Variants in ZNF280C observed in about 807,000 individuals in gnomAD.
ZNF280C encodes suppressor of hairy wing homolog 3.
A neutral mutation model predicts 53.6 loss-of-function variants in ZNF280C; 14 were observed. That is an observed-to-expected ratio of 0.26 (90% CI 0.17 to 0.41). The LOEUF (loss-of-function observed/expected upper bound fraction) is 0.41, where lower values mean the gene tolerates loss of function less well. Ranked by LOEUF, ZNF280C falls within the 10% of genes least tolerant of loss-of-function variation. The pLI, the probability that ZNF280C is intolerant of heterozygous loss-of-function variation, is 1.00. For missense variants in ZNF280C, 416 were observed against 547.1 expected (o/e 0.76, Z 2.39); for synonymous variants, 203 against 181.1 (o/e 1.12, Z -0.97).
At chrX:130,219,745 GTC>G (rs1339732172) in intron 13 of ZNF280C, among the ~76,000 whole-genome samples, 2 of 109,655 alleles carry the variant, frequency 1.8e-5, no homozygotes, top group African/African-American at 6.6e-5. Flanking sequence ...ATATCTTATA[GTC>G]TAGCAACTGA....
chrX:130,257,518 TTGA>T (rs1569440804), intron 2 of ZNF280C, among the ~76,000 whole-genome samples: 3 of 111,341 alleles, frequency 2.7e-5, no homozygotes, highest in African/African-American at 9.8e-5. Context: ...ATGGCAAAAC[TTGA>T]TGATTCAAGA....
At chrX:130,267,857 G>A (rs185939919) in intron 1 of ZNF280C, among the ~76,000 whole-genome samples, 1 of 111,750 alleles carries the variant, frequency 8.9e-6, no homozygotes, top group African/African-American at 3.3e-5. Context: ...GAAAACAATA[G>A]TAAAAAAAAT....
chrX:130,229,812 T>C (rs1755680943), intron 9 of ZNF280C, among the ~76,000 whole-genome samples: 1 of 112,391 alleles, frequency 8.9e-6, no homozygotes, highest in African/African-American at 3.2e-5. Context: ...GGAACTATGA[T>C]GTTCAATGGC....
intron 13 of ZNF280C, among the ~76,000 whole-genome samples, chrX:130,216,424 G>A (rs1219038625): frequency 5.4e-5 from 6 of 111,830 alleles, no homozygotes. Context: ...GTTAGGCAAC[G>A]GTTTCTTATA....
At chrX:130,253,584 T>C (rs181955110) in intron 2 of ZNF280C, among the ~76,000 whole-genome samples, 2 of 111,352 alleles carry the variant, frequency 1.8e-5, no homozygotes, top group Non-Finnish European at 3.8e-5. Flanking sequence ...TGGAACAGAA[T>C]AGAGAGCCCA....
chrX:130,267,953 T>A (rs1005066426), intron 1 of ZNF280C, among the ~76,000 whole-genome samples: 1 of 112,075 alleles, frequency 8.9e-6, no homozygotes, highest in African/African-American at 3.2e-5. Flanking sequence ...CTCCCGTGCT[T>A]GCAGAAGCTG....
intron 2 of ZNF280C, among the ~76,000 whole-genome samples, chrX:130,259,947 G>A (rs1009934135): frequency 2.7e-5 from 3 of 109,857 alleles, no homozygotes; most frequent in African/African-American, 6.6e-5. Context: ...CCGAGATCAC[G>A]CCACTGCACT....
rs758301527 is a variant in ZNF280C at position 130,215,253 on chromosome X, T to G, written c.1919A>C (p.His640Pro). 1 of 1,203,201 alleles carries G rather than the reference T, an allele frequency of 8.3e-7. No individual in the cohort carries two copies. The highest frequency in any genetic ancestry group is 2.2e-5 in the Admixed American group (1 of 45,000). The change falls in exon 15 of 19, where the codon CAC becomes CCC. Residue 640 changes from histidine to proline, a missense_variant. His to Pro is a moderately conservative substitution (Grantham distance 77). Transcript: ENST00000370978. ...AGTATTGTACTTGCAAAAACTGCAG[T>G]GGATGTATATAGAAAAGTGGCTTGC... ...DFASHFSIYI[H>P]CSFCKYNTNC...
At chrX:130,250,156 TAA>T (rs930509848) in intron 2 of ZNF280C, among the ~76,000 whole-genome samples, 4 of 111,696 alleles carry the variant, frequency 3.6e-5, no homozygotes, top group African/African-American at 9.7e-5. Flanking sequence ...TGGGATTATG[TAA>T]AGAGACCACT....
intron 12 of ZNF280C, among the ~76,000 whole-genome samples, chrX:130,222,070 C>T (rs1272665642): frequency 9.0e-6 from 1 of 110,898 alleles, no homozygotes; most frequent in Non-Finnish European, 1.9e-5. Context: ...TCACTGCCTA[C>T]CTATTGTTCC....
intron 12 of ZNF280C, 134 bp downstream of exon 12, chrX:130,226,625 T>C: frequency 1.1e-5 from 6 of 566,305 alleles, no homozygotes; most frequent in Non-Finnish European, 1.5e-5. Context: ...AGAACAACTT[T>C]GCTTTCTGTC....
At chrX:130,249,479 G>A (rs750544234) in intron 2 of ZNF280C, among the ~76,000 whole-genome samples, 1 of 111,941 alleles carries the variant, frequency 8.9e-6, no homozygotes, top group Admixed American at 9.5e-5. Context: ...TCCTAACCTT[G>A]AGAAGCCAGA....
intron 5 of ZNF280C, among the ~76,000 whole-genome samples, chrX:130,243,329 G>A (rs1379812565): frequency 9.0e-6 from 1 of 111,160 alleles, no homozygotes; most frequent in African/African-American, 3.3e-5. Context: ...ACTACAGGTG[G>A]TGCACCACTA....
At chrX:130,255,083 AAC>A (rs1491435897) in intron 2 of ZNF280C, among the ~76,000 whole-genome samples, 2 of 110,263 alleles carry the variant, frequency 1.8e-5, no homozygotes, top group African/African-American at 6.6e-5. Context: ...AAAGACAAAA[AAC>A]ACATATATTA....
intron 12 of ZNF280C, among the ~76,000 whole-genome samples, chrX:130,222,690 G>A (rs750975305): frequency 6.2e-5 from 7 of 112,311 alleles, no homozygotes; most frequent in Middle Eastern, 4.6e-3. Context: ...TTGAGATACA[G>A]TTTTGCTTTT....
At chrX:130,242,923 C>G (rs1401015735) in intron 5 of ZNF280C, among the ~76,000 whole-genome samples, 5 of 111,546 alleles carry the variant, frequency 4.5e-5, no homozygotes, top group Non-Finnish European at 9.4e-5. Flanking sequence ...AGCAGTCCAC[C>G]TCCTTCAGCC....
At chrX:130,236,387 A>G (rs1193279132) in intron 7 of ZNF280C, 67 bp from the exon 8 acceptor site, 4 of 1,125,521 alleles carry the variant, frequency 3.6e-6, no homozygotes, top group Non-Finnish European at 4.8e-6. Flanking sequence ...ACCACTAATA[A>G]TGGTTTTAAA....
At chrX:130,211,377 T>C (rs1046202103) in intron 15 of ZNF280C, among the ~76,000 whole-genome samples, 2 of 112,176 alleles carry the variant, frequency 1.8e-5, no homozygotes, top group African/African-American at 6.5e-5. Context: ...ATACTGAATA[T>C]GAAGAGCCTA....
intron 3 of ZNF280C, among the ~76,000 whole-genome samples, chrX:130,244,121 A>G (rs1261242928): frequency 8.9e-6 from 1 of 111,888 alleles, no homozygotes; most frequent in Non-Finnish European, 1.9e-5. Context: ...TTTCTGTACC[A>G]TTACTCTTGA....
Sources: gnomAD v4.1 joint callset for allele counts (sites outside exome capture counted in the v4.1 genomes callset) on GRCh38, gnomAD v4.1.1 for gene constraint, MANE v1.5 for transcripts, NCBI Gene and HGNC (gene_info 2026-07-23, HGNC 2026-07-21) for gene names.